ZPR1: variants seen among roughly 807,000 people sequenced by gnomAD.
ZPR1 encodes the protein ZPR1 zinc finger, also known as zinc finger protein ZPR1.
ZPR1 carries 37 observed loss-of-function variants against 59.6 expected under a neutral mutation model. The ratio of observed to expected loss-of-function variants is 0.62; its 90% CI spans 0.48 to 0.82. The LOEUF (loss-of-function observed/expected upper bound fraction) is 0.82. ZPR1 is among the 40% of genes least tolerant of loss of function. The pLI is 0.00. For missense variants in ZPR1, 527 were observed against 579.9 expected (o/e 0.91, Z 0.94); for synonymous variants, 191 against 215.2 (o/e 0.89, Z 0.99).
rs1476894569 is a variant in ZPR1, at chr11:116,774,452, A to G, written c.*4473T>C. 6.6e-6 allele frequency: 1 copy of G among 152,142 alleles called. No homozygotes were observed. Among genetic ancestry groups the G allele is most frequent in the Non-Finnish European group, 1.5e-5 (1 of 68,030 alleles). The allele number at this position is 152,142 out of a possible 1,614,324, so 9.4% of individuals were successfully genotyped here. On this transcript the variant is annotated 3_prime_UTR_variant, in exon 14 of 14. Coordinates refer to ENST00000227322, the MANE Select transcript of ZPR1 (RefSeq NM_003904.5). ...AGTGCAAACAATAGTTTCTTGGACC[A>G]AGAGTCAAAAAGGTCACTTTTTTAA...
chr11:116,781,446 C>G (rs1940803597), intron 12 of ZPR1, among the ~76,000 whole-genome samples: 1 of 152,166 alleles, frequency 6.6e-6, no homozygotes, highest in Admixed American at 6.5e-5. Context: ...CTTCAGACTT[C>G]TCAATAGCCA....
At position 116,785,549 on chromosome 11, in the gene ZPR1, G is replaced by C. The variant is rs777227749; in HGVS notation, c.670C>G (p.Arg224Gly). 6.2e-7 allele frequency: 1 copy of C among 1,614,160 alleles called. No homozygotes were observed. Among genetic ancestry groups the C allele is most frequent in the Admixed American group, 1.7e-5 (1 of 60,030 alleles). Residue 224 changes from arginine to glycine, a missense_variant, in exon 6 of 14, where the codon CGG becomes GGG. Arg to Gly is a moderately radical substitution (Grantham distance 125, BLOSUM62 -2). Transcript: ENST00000227322. ...AGCATCTCTTCCTGCTGTCGGGTCCGGTTGTAGTGTGTGATCACCAGGGCA... is the reference window on the plus strand; with the variant it reads ...AGCATCTCTTCCTGCTGTCGGGTCCCGTTGTAGTGTGTGATCACCAGGGCA... ...DDALVITHYNRTRQQEEMLGL... is the reference protein window; with the variant it reads ...DDALVITHYNGTRQQEEMLGL...
intron 8 of ZPR1, 24 bp downstream of exon 8, chr11:116,784,831 A>T (rs1437518401): frequency 6.2e-7 from 1 of 1,613,712 alleles, no homozygotes; most frequent in Admixed American, 1.7e-5. Context: ...ATGAAGAGCA[A>T]CCCAACTGCT....
chr11:116,783,078 C>A (rs370918953), intron 10 of ZPR1, 49 bp from the exon 11 acceptor site: 1 of 1,452,880 alleles, frequency 6.9e-7, no homozygotes, highest in African/African-American at 1.4e-5. Flanking sequence ...GCAAAGAAAG[C>A]CAACCAGAGG....
At chr11:116,783,125 G>A (rs910401071) in intron 10 of ZPR1, 96 bp from the exon 11 acceptor site, 11 of 872,908 alleles carry the variant, frequency 1.3e-5, no homozygotes, top group African/African-American at 1.7e-5. Context: ...GATAGACTGC[G>A]GACAAGGGCA....
In ZPR1 at chr11:116,787,316, T is replaced by G. The variant is rs966615877; in HGVS notation, c.333+166A>C. On this transcript the variant is annotated intron_variant, in intron 2 of 13. Coordinates refer to ENST00000227322, the MANE Select transcript of ZPR1 (RefSeq NM_003904.5). ...ATTTACAAAGCATTTTCACAAATCT[T>G]ATCTCACTTGAGCTGATGACAACAC... 6 of 744,116 alleles carry G rather than the reference T, an allele frequency of 8.1e-6. No homozygotes were observed. In the African/African-American group the frequency reaches 1.1e-4, roughly 13 times the overall value. 46.1% of individuals were successfully genotyped at this position (744,116 alleles called of 1,614,324 possible).
In ZPR1 at chr11:116,779,077, G is replaced by C; in HGVS notation, c.1246-18C>G. On this transcript the variant is annotated intron_variant, in intron 13 of 13. Coordinates refer to ENST00000227322, the MANE Select transcript of ZPR1 (RefSeq NM_003904.5). ...TACACATTCTGCAAGGTCAAGGAGA[G>C]ACAATCAGTGCCGCTGTGCCACTCC... 6 of 1,613,144 alleles carry C rather than the reference G, an allele frequency of 3.7e-6. No individual in the cohort carries two copies. The highest frequency in any genetic ancestry group is 5.1e-6 in the Non-Finnish European group (6 of 1,179,582).
Position 116,785,653 on chromosome 11 carries a change from G to A in ZPR1, c.583-17C>T. The stretch of plus-strand genomic sequence containing the variant: ...ATCAATGATCTAACAAATGGGAGAA[G>A]AGAGAGTCACTGCAAAAGAAAATCA... On this transcript the variant is annotated splice_polypyrimidine_tract_variant and intron_variant, in intron 5 of 13. Coordinates refer to ENST00000227322, the MANE Select transcript of ZPR1 (RefSeq NM_003904.5). The A allele has an allele frequency of 6.2e-7, 1 of 1,613,886 alleles. No individual in the cohort carries two copies. Among genetic ancestry groups the A allele is most frequent in the Non-Finnish European group, 8.5e-7 (1 of 1,180,026 alleles).
Position 116,774,246 on chromosome 11 carries a change from G to T in ZPR1, c.*4679C>A, listed in dbSNP as rs1482875022. The T allele has an allele frequency of 1.3e-5, 2 of 152,062 alleles. No homozygotes were observed. Among genetic ancestry groups the T allele is most frequent in the African/African-American group, 4.8e-5 (2 of 41,416 alleles). 9.4% of individuals were successfully genotyped at this position (152,062 alleles called of 1,614,324 possible). On this transcript the variant is annotated 3_prime_UTR_variant, in exon 14 of 14. Transcript: ENST00000227322. The stretch of plus-strand genomic sequence containing the variant: ...GGTGGGGGGGCACTTAAGCAAATTT[G>T]TCTTAGCAAACTTCAAGTAAACAAT...
In ZPR1 at chr11:116,784,409, T is replaced by G; in HGVS notation, c.860A>C (p.Asn287Thr). ...GGTCCGATGCCCACAGTTCTCGCAG[T>G]TGGTAGCCATGATGATAACCTCCTT... ...HFKEVIIMAT[N>T]CENCGHRTNE... The change falls in exon 9 of 14, where the codon AAC becomes ACC. Residue 287 changes from asparagine (N) to threonine (T), a missense_variant. Physicochemically the swap from Asn to Thr is moderately conservative, Grantham distance 65. Coordinates refer to ENST00000227322, the MANE Select transcript of ZPR1 (RefSeq NM_003904.5). 6.2e-7 allele frequency: 1 copy of G among 1,614,154 alleles called. No individual in the cohort carries two copies. The highest frequency in any genetic ancestry group is 8.5e-7 in the Non-Finnish European group (1 of 1,180,020).
In ZPR1 at chr11:116,788,002, G is replaced by T; in HGVS notation, c.-12C>A. ...CCGCTGGCCGCCATGGCCACCACGC[G>T]CAATTCAGACCTCGGCTTCCTACTT... On this transcript the variant is annotated 5_prime_UTR_variant, in exon 1 of 14. Transcript: ENST00000227322. The T allele has an allele frequency of 2.1e-6, 3 of 1,426,240 alleles. No homozygotes were observed. Among genetic ancestry groups the T allele is most frequent in the Non-Finnish European group, 2.7e-6 (3 of 1,101,370 alleles). The allele number at this position is 1,426,240 out of a possible 1,614,324, so 88.3% of individuals were successfully genotyped here. A position where few individuals can be genotyped will look rare whatever the true frequency, so the allele number is the denominator to read the frequency against.
chr11:116,784,490 G>A (rs1940856016), intron 8 of ZPR1, 42 bp from the exon 9 acceptor site: 1 of 1,581,640 alleles, frequency 6.3e-7, no homozygotes. Flanking sequence ...AGGCGAACAA[G>A]ACCACCATCT....
chr11:116,787,262 C>T lies in ZPR1; in HGVS notation c.334-203G>A, dbSNP rs895856687. On this transcript the variant is annotated intron_variant, in intron 2 of 13. Coordinates refer to ENST00000227322, the MANE Select transcript of ZPR1 (RefSeq NM_003904.5). ...ATGGTGAGAATACTATTCATAACAACTACTGCTCATTTCATACCCTCAGAC... is the reference window on the plus strand; with the variant it reads ...ATGGTGAGAATACTATTCATAACAATTACTGCTCATTTCATACCCTCAGAC... The T allele has an allele frequency of 1.2e-5, 8 of 663,458 alleles. No homozygotes were observed. The East Asian group carries it at 1.6e-4, about 14-fold the overall frequency. 41.1% of individuals were successfully genotyped at this position (663,458 alleles called of 1,614,324 possible). A position where few individuals can be genotyped will look rare whatever the true frequency, so the allele number is the denominator to read the frequency against.
intron 12 of ZPR1, among the ~76,000 whole-genome samples, chr11:116,781,905 G>A (rs1360058318): frequency 1.3e-5 from 2 of 151,898 alleles, no homozygotes; most frequent in Admixed American, 6.6e-5. Context: ...CCAGCTACTC[G>A]GGAGGCTGAG....
chr11:116,782,577 AAACATTTGGGCTAAGTC>A (rs763671742), intron 11 of ZPR1, among the ~76,000 whole-genome samples: 163 of 152,382 alleles, frequency 1.1e-3, no homozygotes, highest in Middle Eastern at 6.8e-3. Flanking sequence ...TCAAGGAGAT[AAACATTTGGGCTAAGTC>A]AACCCATACA....
chr11:116,786,966 T>A lies in ZPR1; in HGVS notation c.424+3A>T, dbSNP rs1940896961. On this transcript the variant is annotated splice_donor_region_variant and intron_variant, in intron 3 of 13. Coordinates refer to ENST00000227322, the MANE Select transcript of ZPR1 (RefSeq NM_003904.5). ...AGCCCAAATACTCTGATCTTAAACTTACCTCCTTTCTGGCTAAAGGCAGGA... is the reference window on the plus strand; with the variant it reads ...AGCCCAAATACTCTGATCTTAAACTAACCTCCTTTCTGGCTAAAGGCAGGA... The A allele has an allele frequency of 1.9e-6, 3 of 1,613,408 alleles. No individual in the cohort carries two copies. The highest frequency in any genetic ancestry group is 2.2e-5 in the South Asian group (2 of 91,072).
rs1160027230 is a variant in ZPR1 at position 116,778,873 on chromosome 11, A to G, written c.*52T>C. ...CCTTCGCCTTCATCCAATACTAATA[A>G]ATAACCTACAGAAAGAGCAGCGCTG... On this transcript the variant is annotated 3_prime_UTR_variant, in exon 14 of 14. Coordinates refer to ENST00000227322, the MANE Select transcript of ZPR1 (RefSeq NM_003904.5). 6 of 1,593,632 alleles carry G rather than the reference A, an allele frequency of 3.8e-6. No individual in the cohort carries two copies. Among genetic ancestry groups the G allele is most frequent in the Non-Finnish European group, 5.1e-6 (6 of 1,172,828 alleles).
chr11:116,786,934 T>C (rs369531724), intron 3 of ZPR1, 35 bp downstream of exon 3: 34 of 1,565,208 alleles, frequency 2.2e-5, no homozygotes, highest in Admixed American at 2.0e-4. Context: ...TCTAGCTACA[T>C]GCGAACAGCC....
chr11:116,777,020 A>G lies in ZPR1; in HGVS notation c.*1905T>C, dbSNP rs1439316392. 4 of 152,226 alleles carry G rather than the reference A, an allele frequency of 2.6e-5. No individual in the cohort carries two copies. The highest frequency in any genetic ancestry group is 6.5e-5 in the Admixed American group (1 of 15,276). The allele number at this position is 152,226 out of a possible 1,614,324, so 9.4% of individuals were successfully genotyped here. ...ACACCTTACTCTCGCCCTCACTTAC[A>G]GAAATTAGAGATACAGGTATGGAAG... On this transcript the variant is annotated 3_prime_UTR_variant, in exon 14 of 14. Transcript: ENST00000227322.
Sources: allele counts gnomAD v4.1 joint callset (sites outside exome capture counted in the v4.1 genomes callset), GRCh38; gene constraint gnomAD v4.1.1; transcripts MANE v1.5; gene names NCBI Gene and HGNC (gene_info 2026-07-23, HGNC 2026-07-21).